The following SYN2 variants were observed in gnomAD, a reference collection of about 807,000 sequenced individuals.
The protein encoded by SYN2 is synapsin II.
A neutral mutation model predicts 50.9 loss-of-function variants in SYN2; 19 were observed. The ratio of observed to expected loss-of-function variants is 0.37; its 90% CI spans 0.26 to 0.55. SYN2 has a LOEUF of 0.55. Among genes scored for constraint, SYN2 ranks in the 20% least tolerant of loss-of-function variants. The pLI, the probability that SYN2 is intolerant of heterozygous loss-of-function variation, is 0.81. For missense variants in SYN2, 587 were observed against 576.4 expected (o/e 1.02, Z -0.19); for synonymous variants, 255 against 224.9 (o/e 1.13, Z -1.20).
chr3:12,044,710 T>C (rs976105980), intron 1 of SYN2, among the ~76,000 whole-genome samples: 5 of 152,210 alleles, frequency 3.3e-5, no homozygotes, highest in Non-Finnish European at 7.3e-5. Flanking sequence ...CTACATGTGC[T>C]GTGAACTATA....
At chr3:12,094,022 T>G (rs576946040) in intron 1 of SYN2, among the ~76,000 whole-genome samples, 1 of 151,992 alleles carries the variant, frequency 6.6e-6, no homozygotes, top group Non-Finnish European at 1.5e-5. Flanking sequence ...ACGCCCAGAA[T>G]TTTGTGTATT....
intron 1 of SYN2, among the ~76,000 whole-genome samples, chr3:12,109,391 A>G (rs1241491167): frequency 6.6e-6 from 1 of 152,230 alleles, no homozygotes; most frequent in African/African-American, 2.4e-5. Context: ...GGTGTTTATT[A>G]TAATATTGCA....
intron 1 of SYN2, among the ~76,000 whole-genome samples, chr3:12,015,151 C>T (rs1366297269): frequency 6.6e-6 from 1 of 152,194 alleles, no homozygotes; most frequent in Non-Finnish European, 1.5e-5. Flanking sequence ...CTTTCTTCTC[C>T]TGTGTCTTTA....
intron 1 of SYN2, among the ~76,000 whole-genome samples, chr3:12,056,601 G>C (rs1046954474): frequency 3.9e-5 from 6 of 152,142 alleles, no homozygotes; most frequent in African/African-American, 1.4e-4. Flanking sequence ...CTTTGTACTA[G>C]AGCATTTCAC....
At chr3:12,012,162 GT>G (rs147025333) in intron 1 of SYN2, among the ~76,000 whole-genome samples, 3,485 of 144,970 alleles carry the variant, frequency 0.024, 145 homozygotes, top group African/African-American at 0.082. Flanking sequence ...ATATAACTTA[GT>G]TTTTTTTTTT....
chr3:12,167,876 T>A (rs1330426700), intron 8 of SYN2, among the ~76,000 whole-genome samples: 1 of 152,030 alleles, frequency 6.6e-6, no homozygotes, highest in African/African-American at 2.4e-5. Context: ...AGGTCTCAGA[T>A]GGAAATAAGG....
At chr3:12,096,187 A>G (rs1408348526) in intron 1 of SYN2, among the ~76,000 whole-genome samples, 1 of 152,232 alleles carries the variant, frequency 6.6e-6, no homozygotes, top group Non-Finnish European at 1.5e-5. Flanking sequence ...AGTGTGACCT[A>G]CAGTCTTGAA....
chr3:12,142,097 C>A, intron 3 of SYN2, 101 bp downstream of exon 3: 1 of 726,344 alleles, frequency 1.4e-6, no homozygotes. Context: ...AGTGAGATAG[C>A]AGTGCTATGT....
chr3:12,176,856 G>C (rs540648571), intron 10 of SYN2, among the ~76,000 whole-genome samples: 1 of 152,320 alleles, frequency 6.6e-6, no homozygotes, highest in South Asian at 2.1e-4. Context: ...GACAGGTTTT[G>C]ACCCAGTGTA....
chr3:12,162,497 T>C (rs1374779766), intron 7 of SYN2, among the ~76,000 whole-genome samples: 1 of 152,244 alleles, frequency 6.6e-6, no homozygotes, highest in Non-Finnish European at 1.5e-5. Context: ...TGGATTATTC[T>C]CATTCCTACT....
chr3:12,049,920 C>T lies in SYN2; in HGVS notation c.377+44992C>T, dbSNP rs142060680. 1.8e-3 allele frequency among the ~76,000 whole-genome samples: 275 copies of T among 152,224 alleles called. 5 individuals carry two copies. In the East Asian group the frequency reaches 0.046, roughly 25 times the overall value. On this transcript the variant is annotated intron_variant, in intron 1 of 12. Coordinates refer to ENST00000621198, the MANE Select transcript of SYN2 (RefSeq NM_133625.6). ...ACTGTGCAACACAAAGCAATCTCGA[C>T]AGTTTTTGTTTGTTTTCTTTTTGTT...
At chr3:12,126,050 T>G (rs1201613903) in intron 1 of SYN2, among the ~76,000 whole-genome samples, 1 of 152,170 alleles carries the variant, frequency 6.6e-6, no homozygotes, top group Non-Finnish European at 1.5e-5. Flanking sequence ...CCAAAATTGT[T>G]TACACATAAG....
At chr3:12,043,002 C>CT (rs895295731) in intron 1 of SYN2, among the ~76,000 whole-genome samples, 6 of 151,450 alleles carry the variant, frequency 4.0e-5, no homozygotes, top group Non-Finnish European at 8.8e-5. Context: ...CCCCCCACAC[C>CT]TTTTTTTTCC....
At chr3:12,016,601 A>G (rs1286647648) in intron 1 of SYN2, among the ~76,000 whole-genome samples, 1 of 152,180 alleles carries the variant, frequency 6.6e-6, no homozygotes, top group African/African-American at 2.4e-5. Context: ...TCACGCCTGT[A>G]ATCCCAGCTC....
intron 1 of SYN2, among the ~76,000 whole-genome samples, chr3:12,063,477 T>A (rs1173555451): frequency 6.6e-6 from 1 of 151,978 alleles, no homozygotes; most frequent in Non-Finnish European, 1.5e-5. Flanking sequence ...ATACTGAAAT[T>A]GAACAATTAA....
At chr3:12,174,355 G>A (rs1574886314) in intron 10 of SYN2, among the ~76,000 whole-genome samples, 1 of 151,930 alleles carries the variant, frequency 6.6e-6, no homozygotes, top group Admixed American at 6.6e-5. Flanking sequence ...TTTTTCCCTA[G>A]CAATTTATGT....
At position 12,091,558 on chromosome 3, in the gene SYN2, A is replaced by C. The variant is rs567758034; in HGVS notation, c.378-49093A>C. On this transcript the variant is annotated intron_variant, in intron 1 of 12. Coordinates refer to ENST00000621198, the MANE Select transcript of SYN2 (RefSeq NM_133625.6). ...CAGAAAGTGACTTATTTGAGATCAC[A>C]TCCAATATTAGCAGAAGAGCTAGGA... Among the ~76,000 whole-genome samples the C allele has an allele frequency of 5.9e-5, 9 of 152,316 alleles. No individual in the cohort carries two copies. The East Asian group carries it at 1.7e-3, about 29-fold the overall frequency.
intron 1 of SYN2, among the ~76,000 whole-genome samples, chr3:12,099,542 A>C (rs1256613846): frequency 6.6e-6 from 1 of 152,194 alleles, no homozygotes; most frequent in Admixed American, 6.5e-5. Context: ...GCTATAGGTA[A>C]AAGCATTGCC....
intron 5 of SYN2, chr3:12,158,734 T>C (rs1400432028): frequency 1.2e-6 from 2 of 1,609,634 alleles, no homozygotes; most frequent in South Asian, 2.2e-5. Flanking sequence ...CTGCTGAGGG[T>C]GCGCCGGGGC....
Sources: allele counts gnomAD v4.1 joint callset (sites outside exome capture counted in the v4.1 genomes callset), GRCh38; gene constraint gnomAD v4.1.1; transcripts MANE v1.5; gene names NCBI Gene and HGNC (gene_info 2026-07-23, HGNC 2026-07-21).